Variants in DPEP3 observed in about 807,000 individuals in gnomAD.
DPEP3 encodes the protein membrane-bound dipeptidase 3.
A neutral mutation model predicts 47.5 loss-of-function variants in DPEP3; 42 were observed. The observed-to-expected ratio is 0.88, with a 90% CI of 0.69 to 1.14. DPEP3 has a LOEUF of 1.14. Among genes scored for constraint, DPEP3 ranks in the 50% most tolerant of loss-of-function variants. The pLI, the probability that DPEP3 is intolerant of heterozygous loss-of-function variation, is 0.00. For missense variants in DPEP3, 560 were observed against 635.0 expected, an observed-to-expected ratio of 0.88 and a Z score of 1.27; for synonymous variants, 276 against 270.2, an observed-to-expected ratio of 1.02 and a Z score of -0.21.
chr16:67,979,973 G>C, intron 1 of DPEP3, 121 bp downstream of exon 1: 1 of 1,392,600 alleles, frequency 7.2e-7, no homozygotes, highest in Non-Finnish European at 9.7e-7. Flanking sequence ...GGAGGAGAGA[G>C]GGCATCCAGG....
In DPEP3 at chr16:67,977,345, C is replaced by G; in HGVS notation, c.943G>C (p.Gly315Arg). ...GACAGTGTCACCATCACGATGCCAC[C>G]GTTCTTCTTCTAGAGGGATAAAGGG... ...DDILQLLKKN[G>R]GIVMVTLSMG... Residue 315 changes from glycine to arginine, a missense_variant, in exon 7 of 10, where the codon GGT becomes CGT. By Grantham distance (125) the Gly-to-Arg change is moderately radical. Transcript: ENST00000268793. The G allele has an allele frequency of 6.2e-7, 1 of 1,613,816 alleles. No individual in the cohort carries two copies. The highest frequency in any genetic ancestry group is 8.5e-7 in the Non-Finnish European group (1 of 1,179,838).
In DPEP3 at chr16:67,975,850, C is replaced by T; in HGVS notation, c.1382G>A (p.Trp461Ter). The change falls in exon 10 of 10, where the codon TGG becomes TAG. Residue 461 changes from tryptophan (W) to a stop codon, truncating the protein, a stop_gained. Coordinates refer to ENST00000268793, the MANE Select transcript of DPEP3 (RefSeq NM_001370198.1). LOFTEE classifies it high-confidence loss of function. ...VTKQPTNRVPWRSSNASPYLV... is the reference protein window; with the variant it reads ...VTKQPTNRVP ...GTATGGGGAGGCATTTGAGGACCTC[C>T]AGGGGACCCGATTGGTTGGCTGCTT... 1 of 1,613,912 alleles carries T rather than the reference C, an allele frequency of 6.2e-7. No homozygotes were observed. The highest frequency in any genetic ancestry group is 8.5e-7 in the Non-Finnish European group (1 of 1,179,854).
chr16:67,978,569 G>A lies in DPEP3; in HGVS notation c.472C>T (p.Leu158=), dbSNP rs749530869. Residue 158 remains leucine (L), a synonymous_variant, in exon 3 of 10, where the codon CTG becomes TTG. Coordinates refer to ENST00000268793, the MANE Select transcript of DPEP3 (RefSeq NM_001370198.1). The surrounding 1 kb of genome is among the most constrained non-coding windows in gnomAD (Gnocchi z 4.4). ...SQDQTAVRLA[L]EQIDLIHRMC... ...CGGTGAATGAGGTCAATCTGCTCCA[G>A]GGCGAGGCGCACGGCAGTCTGGTCC... The A allele has an allele frequency of 1.2e-6, 2 of 1,614,034 alleles. No homozygotes were observed. The highest frequency in any genetic ancestry group is 1.7e-6 in the Non-Finnish European group (2 of 1,179,958).
intron 8 of DPEP3, 44 bp from the exon 9 acceptor site, chr16:67,976,272 T>C (rs746216537): frequency 1.2e-5 from 19 of 1,609,386 alleles, no homozygotes; most frequent in Non-Finnish European, 1.6e-5. Context: ...TTAGCCCTGA[T>C]CCTGGGTTGG....
intron 2 of DPEP3, 102 bp downstream of exon 2, chr16:67,979,537 C>T (rs2031275057): frequency 2.0e-6 from 3 of 1,524,338 alleles, no homozygotes; most frequent in Non-Finnish European, 2.7e-6. Context: ...ACACTGCATG[C>T]CCCATTGTAT....
At position 67,977,922 on chromosome 16, in the gene DPEP3, A is replaced by C. The variant is rs760842285; in HGVS notation, c.756+16T>G. On this transcript the variant is annotated intron_variant, in intron 5 of 9. Transcript: ENST00000268793. Reference sequence around the variant, plus strand: ...TAGGCAGCAGGTGGGTTGGGGTACAAAACAGGAGTCCTCACCTCACCAAAG... The same window carrying C: ...TAGGCAGCAGGTGGGTTGGGGTACACAACAGGAGTCCTCACCTCACCAAAG... 5.6e-6 allele frequency: 9 copies of C among 1,613,860 alleles called. No individual in the cohort carries two copies. The Admixed American group carries it at 1.5e-4, about 27-fold the overall frequency.
intron 6 of DPEP3, 22 bp from the exon 7 acceptor site, chr16:67,977,376 C>T: frequency 6.2e-7 from 1 of 1,609,632 alleles, no homozygotes; most frequent in South Asian, 1.1e-5. Flanking sequence ...AAGGGATACT[C>T]ATCTCAGCCC....
At chr16:67,979,423 A>AT (rs1162932169) in intron 2 of DPEP3, among the ~76,000 whole-genome samples, 1 of 152,146 alleles carries the variant, frequency 6.6e-6, no homozygotes, top group Non-Finnish European at 1.5e-5. Flanking sequence ...CTCACCAGGG[A>AT]TTTTCTGGTC....
chr16:67,979,966 G>GGA, intron 1 of DPEP3, 128 bp downstream of exon 1: 1 of 1,384,652 alleles, frequency 7.2e-7, no homozygotes, highest in Non-Finnish European at 9.7e-7. Flanking sequence ...GGGTGATGGA[G>GGA]GAGAGAGGGC....
chr16:67,978,286 AG>A lies in DPEP3; in HGVS notation c.666del (p.Phe223SerfsTer25). The part of the protein sequence containing the change: ...YVLGVRYLTL[T>X]FTCSTPWAES... ...GCTCACCATGGTGTACTGCAGGTGA[AG>A]GTAAGTGTCAGGTAGCGCACCCCCA... is the stretch of plus-strand genomic sequence containing the variant. On this transcript the variant is annotated frameshift_variant, in exon 4 of 10. Transcript: ENST00000268793. LOFTEE classifies it high-confidence loss of function. This position sits in a 1 kb window ranked among gnomAD's most constrained non-coding sequence, Gnocchi z 4.4. The A allele has an allele frequency of 1.2e-6, 2 of 1,614,152 alleles. No homozygotes were observed. The highest frequency in any genetic ancestry group is 1.7e-6 in the Non-Finnish European group (2 of 1,180,008).
intron 7 of DPEP3, 79 bp from the exon 8 acceptor site, chr16:67,976,854 G>A: frequency 7.9e-7 from 1 of 1,268,006 alleles, no homozygotes; most frequent in Non-Finnish European, 1.1e-6. Flanking sequence ...TCCAGGCTGT[G>A]GCAGTTGGCT....
At position 67,978,370 on chromosome 16, in the gene DPEP3, C is replaced by A; in HGVS notation, c.583G>T (p.Val195Leu). 6.2e-7 allele frequency: 1 copy of A among 1,614,082 alleles called. No individual in the cohort carries two copies. The highest frequency in any genetic ancestry group is 1.3e-5 in the African/African-American group (1 of 75,062). The part of the protein sequence containing the change: ...SSQKLACLIG[V>L]EGGHSLDSSL... Reference sequence around the variant, plus strand: ...CTGTCCAGTGAGTGACCACCCTCCACGCCAATGAGGCAGGCCAGCTTTTGA... The same window carrying A: ...CTGTCCAGTGAGTGACCACCCTCCAAGCCAATGAGGCAGGCCAGCTTTTGA... The change falls in exon 4 of 10, where the codon GTG becomes TTG. Residue 195 changes from valine to leucine, a missense_variant. Val to Leu is a conservative substitution (Grantham distance 32, BLOSUM62 1). Coordinates refer to ENST00000268793, the MANE Select transcript of DPEP3 (RefSeq NM_001370198.1). The surrounding 1 kb of genome is among the most constrained non-coding windows in gnomAD (Gnocchi z 4.4).
chr16:67,980,070 T>G (rs375242257), intron 1 of DPEP3, 24 bp downstream of exon 1: 3 of 1,592,614 alleles, frequency 1.9e-6, no homozygotes, highest in African/African-American at 2.7e-5. Context: ...CACCCCGCGT[T>G]GCCCAAACGC....
At position 67,979,752 on chromosome 16, in the gene DPEP3, G is replaced by A. The variant is rs1407533524; in HGVS notation, c.301C>T (p.Pro101Ser). The change falls in exon 2 of 10, where the codon CCC becomes TCC. Residue 101 changes from proline to serine, a missense_variant. Transcript: ENST00000268793. ...TTGTAACGCTGTCTCAGGACCTGGGGCAGGTCATTGTGGCTGGGGGTGTGA... is the reference window on the plus strand; with the variant it reads ...TTGTAACGCTGTCTCAGGACCTGGGACAGGTCATTGTGGCTGGGGGTGTGA... Reference protein sequence around the residue: ...FPLVDGHNDLPQVLRQRYKNV... With the variant: ...FPLVDGHNDLSQVLRQRYKNV... The A allele has an allele frequency of 6.2e-7, 1 of 1,613,928 alleles. No individual in the cohort carries two copies.
chr16:67,975,751 G>A lies in DPEP3; in HGVS notation c.*14C>T, dbSNP rs749577051. On this transcript the variant is annotated 3_prime_UTR_variant, in exon 10 of 10. Coordinates refer to ENST00000268793, the MANE Select transcript of DPEP3 (RefSeq NM_001370198.1). ...GAGGCTTTGCCACAGTGACCTCTGC[G>A]GGGACCGACTGTGTCAGCAGAGCCA... is the stretch of plus-strand genomic sequence containing the variant. 25 of 1,604,628 alleles carry A rather than the reference G, an allele frequency of 1.6e-5. No individual in the cohort carries two copies. The highest frequency in any genetic ancestry group is 1.7e-5 in the Admixed American group (1 of 58,412).
In DPEP3 at chr16:67,978,149, G is replaced by T. The variant is rs1309339376; in HGVS notation, c.686+118C>A. On this transcript the variant is annotated intron_variant, in intron 4 of 9. Transcript: ENST00000268793. This position sits in a 1 kb window ranked among gnomAD's most constrained non-coding sequence, Gnocchi z 4.4. The stretch of plus-strand genomic sequence containing the variant: ...TTCTGGGATTGTGAGGGACCCACTG[G>T]GTGTCCAGCCTCCCTCTGCGGACCC... 9 of 1,579,442 alleles carry T rather than the reference G, an allele frequency of 5.7e-6. No homozygotes were observed. The highest frequency in any genetic ancestry group is 7.8e-6 in the Non-Finnish European group (9 of 1,153,346).
In DPEP3 at chr16:67,978,530, A is replaced by G; in HGVS notation, c.511T>C (p.Tyr171His). The stretch of plus-strand genomic sequence containing the variant: ...GAGGTCACAAGCTCGAGTTCAGAGT[A>G]GGAGGCACACATGCGGTGAATGAGG... ...IDLIHRMCASYSELELVTSAE... is the reference protein window; with the variant it reads ...IDLIHRMCASHSELELVTSAE... The change falls in exon 3 of 10, where the codon TAC becomes CAC. Residue 171 changes from tyrosine (Y) to histidine (H), a missense_variant. Transcript: ENST00000268793. The surrounding 1 kb of genome is among the most constrained non-coding windows in gnomAD (Gnocchi z 4.4). 2 of 1,614,120 alleles carry G rather than the reference A, an allele frequency of 1.2e-6. No homozygotes were observed. The highest frequency in any genetic ancestry group is 1.7e-6 in the Non-Finnish European group (2 of 1,179,984).
At chr16:67,977,478 T>G (rs2151349116) in intron 6 of DPEP3, 124 bp from the exon 7 acceptor site, 1 of 1,264,966 alleles carries the variant, frequency 7.9e-7, no homozygotes, top group East Asian at 2.5e-5. Flanking sequence ...GCTTCACCTC[T>G]CTGCGTTTGT....
At position 67,977,270 on chromosome 16, in the gene DPEP3, C is replaced by T. The variant is rs2031216148; in HGVS notation, c.1018G>A (p.Asp340Asn). 6.2e-7 allele frequency: 1 copy of T among 1,613,578 alleles called. No homozygotes were observed. Among genetic ancestry groups the T allele is most frequent in the Non-Finnish European group, 8.5e-7 (1 of 1,179,786 alleles). Reference protein sequence around the residue: ...NLLANVSTVADHFDHIRAVIG... With the variant: ...NLLANVSTVANHFDHIRAVIG... ...TGCACAAAGCTGAGGTGGGACTTACCTGCCACAGTGGACACGTTAGCAAGC... is the reference window on the plus strand; with the variant it reads ...TGCACAAAGCTGAGGTGGGACTTACTTGCCACAGTGGACACGTTAGCAAGC... Residue 340 changes from aspartate (D) to asparagine (N), a missense_variant and splice_region_variant, in exon 7 of 10, where the codon GAT (aspartate) becomes AAT (asparagine). Asp to Asn is a conservative substitution (Grantham distance 23, BLOSUM62 1). Transcript: ENST00000268793.
Sources: allele counts gnomAD v4.1 joint callset (sites outside exome capture counted in the v4.1 genomes callset), GRCh38; gene constraint gnomAD v4.1.1; non-coding constraint Gnocchi (gnomAD v3.1); transcripts MANE v1.5; gene names NCBI Gene and HGNC (gene_info 2026-07-23, HGNC 2026-07-21).